DNA2: variants seen among roughly 807,000 people sequenced by gnomAD.
DNA2 encodes the protein DNA replication helicase/nuclease 2.
DNA2 carries 101 observed loss-of-function variants against 119.1 expected under a neutral mutation model. The ratio of observed to expected loss-of-function variants is 0.85; its 90% CI spans 0.72 to 1.00. The LOEUF is 1.00. Among genes scored for constraint, DNA2 ranks in the 50% least tolerant of loss-of-function variants. The pLI, the probability that DNA2 is intolerant of heterozygous loss-of-function variation, is 0.00. For synonymous variants in DNA2, 366 were observed against 424.4 expected (o/e 0.86, Z 1.69); for missense variants, 1,121 against 1,255.5 (o/e 0.89, Z 1.62).
At chr10:68,441,944 T>G (rs2051974450) in intron 9 of DNA2, among the ~76,000 whole-genome samples, 1 of 152,166 alleles carries the variant, frequency 6.6e-6, no homozygotes, top group Middle Eastern at 3.2e-3. Flanking sequence ...TTTTTTTTTT[T>G]TGAGTCAAGG....
Position 68,469,971 on chromosome 10 carries a change from T to C in DNA2, c.257+10A>G, listed in dbSNP as rs2052366843. 1 of 1,591,756 alleles carries C rather than the reference T, an allele frequency of 6.3e-7. No homozygotes were observed. Among genetic ancestry groups the C allele is most frequent in the Non-Finnish European group, 8.5e-7 (1 of 1,173,966 alleles). On this transcript the variant is annotated intron_variant, in intron 2 of 20. Transcript: ENST00000358410. ...ATTCAAATCGGTGCTCAAAGTCACA[T>C]AAAAATTACCAGTCATTCCTAAGGA...
chr10:68,414,945 C>A lies in DNA2; in HGVS notation c.*94G>T. ...ACACCTGTGCTTTAAAACATAAATA[C>A]TGCATTAAATTTTGTATGGTGATAG... On this transcript the variant is annotated 3_prime_UTR_variant, in exon 21 of 21. Coordinates refer to ENST00000358410, the MANE Select transcript of DNA2 (RefSeq NM_001080449.3). The A allele has an allele frequency of 1.3e-6, 1 of 758,056 alleles. No homozygotes were observed. The highest frequency in any genetic ancestry group is 2.1e-6 in the Non-Finnish European group (1 of 470,948). 47.0% of individuals were successfully genotyped at this position (758,056 alleles called of 1,614,324 possible).
chr10:68,435,960 A>G (rs1473169642), intron 10 of DNA2, among the ~76,000 whole-genome samples: 1 of 152,244 alleles, frequency 6.6e-6, no homozygotes, highest in Admixed American at 6.5e-5. Context: ...TAAGAATTAG[A>G]TAAGATTATG....
chr10:68,425,696 C>G (rs1043106647), intron 14 of DNA2, among the ~76,000 whole-genome samples: 1 of 151,836 alleles, frequency 6.6e-6, no homozygotes, highest in African/African-American at 2.4e-5. Flanking sequence ...ACACCGCGCC[C>G]GGCCATCTCT....
At position 68,436,923 on chromosome 10, in the gene DNA2, G is replaced by A. The variant is rs1590057870; in HGVS notation, c.1646+88C>T. On this transcript the variant is annotated intron_variant, in intron 10 of 20. Transcript: ENST00000358410. ...AACGCTGTGAATATACTAAAAACCA[G>A]CGAATTGTACATTTTAAATGGATGA... The A allele has an allele frequency of 7.5e-6, 8 of 1,072,062 alleles. No homozygotes were observed. The East Asian group carries it at 1.9e-4, about 26-fold the overall frequency. 66.4% of individuals were successfully genotyped at this position (1,072,062 alleles called of 1,614,324 possible).
At position 68,446,390 on chromosome 10, in the gene DNA2, G is replaced by A; in HGVS notation, c.963C>T (p.Ser321=). The A allele has an allele frequency of 6.3e-7, 1 of 1,590,186 alleles. No homozygotes were observed. The highest frequency in any genetic ancestry group is 1.8e-5 in the Admixed American group (1 of 56,176). Reference sequence around the variant, plus strand: ...CCTCTGGATCAGCTCTTCTCTCTTGGCTTAGTAGAGTGTACAGAACAACCT... The same window carrying A: ...CCTCTGGATCAGCTCTTCTCTCTTGACTTAGTAGAGTGTACAGAACAACCT... ...RSQVVLYTLL[S]QERRADPEAG... The change falls in exon 7 of 21, where the codon AGC becomes AGT. Residue 321 remains serine, a synonymous_variant. Coordinates refer to ENST00000358410, the MANE Select transcript of DNA2 (RefSeq NM_001080449.3).
At chr10:68,455,206 G>A (rs2052167949) in intron 5 of DNA2, among the ~76,000 whole-genome samples, 2 of 151,968 alleles carry the variant, frequency 1.3e-5, no homozygotes, top group African/African-American at 4.8e-5. Flanking sequence ...CCAAAGTGAT[G>A]GGATTACAGG....
intron 5 of DNA2, among the ~76,000 whole-genome samples, chr10:68,452,688 C>T (rs1054074093): frequency 1.3e-5 from 2 of 151,350 alleles, no homozygotes; most frequent in Non-Finnish European, 2.9e-5. Flanking sequence ...CCTCCCGCCT[C>T]AGCCTTTCAA....
In DNA2 at chr10:68,431,921, C is replaced by T. The variant is rs948304605; in HGVS notation, c.1924G>A (p.Asp642Asn). ...GGCATACCCACGATGAGTGTGTAGT[C>T]TTTTGAAAGAAGTACCTTTTTCATC... ...QAMKKVLLSK[D>N]YTLIVGMPGT... is the part of the protein sequence containing the mutation. The change falls in exon 13 of 21, where the codon GAC becomes AAC. Residue 642 changes from aspartate (D) to asparagine (N), a missense_variant. Asp to Asn is a conservative substitution (Grantham distance 23). Transcript: ENST00000358410. 29 of 1,613,706 alleles carry T rather than the reference C, an allele frequency of 1.8e-5. No individual in the cohort carries two copies. Among genetic ancestry groups the T allele is most frequent in the Non-Finnish European group, 2.0e-5 (24 of 1,179,856 alleles).
At chr10:68,466,230 G>A (rs1179683084) in intron 3 of DNA2, among the ~76,000 whole-genome samples, 2 of 152,002 alleles carry the variant, frequency 1.3e-5, no homozygotes, top group Non-Finnish European at 2.9e-5. Flanking sequence ...GTTTCACCAT[G>A]TTGGCCAGGC....
rs1227525026 is a variant in DNA2, at chr10:68,431,903, C to A, written c.1942G>T (p.Gly648Cys). ...LLSKDYTLIV[G>C]MPGTGKTTTI... ...GTTGTTTTTCCTGTCCCAGGCATAC[C>A]CACGATGAGTGTGTAGTCTTTTGAA... Residue 648 changes from glycine to cysteine, a missense_variant, in exon 13 of 21, where the codon GGT becomes TGT. Transcript: ENST00000358410. 2 of 1,613,650 alleles carry A rather than the reference C, an allele frequency of 1.2e-6. No homozygotes were observed. Among genetic ancestry groups the A allele is most frequent in the African/African-American group, 1.3e-5 (1 of 74,888 alleles).
At chr10:68,442,891 C>G (rs765929291) in intron 9 of DNA2, 26 bp downstream of exon 9, 7 of 1,562,732 alleles carry the variant, frequency 4.5e-6, no homozygotes, top group Non-Finnish European at 8.6e-7. Context: ...CTACTGAAAT[C>G]TTACTGTACT....
intron 5 of DNA2, among the ~76,000 whole-genome samples, chr10:68,451,728 C>G (rs1287453182): frequency 6.6e-6 from 1 of 150,768 alleles, no homozygotes; most frequent in Non-Finnish European, 1.5e-5. Context: ...ATGGTCAACC[C>G]CTATTTCTTT....
chr10:68,431,724 C>T (rs765260621), intron 13 of DNA2, 138 bp downstream of exon 13: 1 of 591,916 alleles, frequency 1.7e-6, no homozygotes, highest in African/African-American at 1.9e-5. Context: ...TACTATTTCT[C>T]ATCATTCTAA....
At chr10:68,450,375 G>T in intron 5 of DNA2, 128 bp from the exon 6 acceptor site, 1 of 729,596 alleles carries the variant, frequency 1.4e-6, no homozygotes, top group East Asian at 2.7e-5. Context: ...CTTTACAGCA[G>T]TGATTTTCAA....
intron 17 of DNA2, 21 bp downstream of exon 17, chr10:68,422,204 A>C: frequency 2.0e-6 from 3 of 1,499,160 alleles, no homozygotes; most frequent in African/African-American, 1.5e-5. Flanking sequence ...AGAAAAACTA[A>C]ACAGAAATTT....
At chr10:68,461,034 T>C (rs539480085) in intron 4 of DNA2, among the ~76,000 whole-genome samples, 79 of 151,950 alleles carry the variant, frequency 5.2e-4, no homozygotes, top group Non-Finnish European at 9.7e-4. Context: ...ATTAAAAAAA[T>C]GGAGATATTG....
chr10:68,417,616 G>T (rs1050290657), intron 19 of DNA2, among the ~76,000 whole-genome samples: 7 of 144,746 alleles, frequency 4.8e-5, no homozygotes, highest in Non-Finnish European at 1.0e-4. Flanking sequence ...TTGTGCCATT[G>T]CACTCCAGTC....
At position 68,419,206 on chromosome 10, in the gene DNA2, C is replaced by T. The variant is rs2133356311; in HGVS notation, c.2795G>A (p.Cys932Tyr). Residue 932 changes from cysteine to tyrosine, a missense_variant, in exon 19 of 21, where the codon TGC becomes TAC. Coordinates refer to ENST00000358410, the MANE Select transcript of DNA2 (RefSeq NM_001080449.3). ...FLTSIFVKAG[C>Y]SPSDIGIIAP... Reference sequence around the variant, plus strand: ...AATAATACCAATATCAGAGGGACTGCATCCAGCCTAAATAGAAAAAGACAC... The same window carrying T: ...AATAATACCAATATCAGAGGGACTGTATCCAGCCTAAATAGAAAAAGACAC... 1 of 1,570,706 alleles carries T rather than the reference C, an allele frequency of 6.4e-7. No individual in the cohort carries two copies. Among genetic ancestry groups the T allele is most frequent in the South Asian group, 1.2e-5 (1 of 83,844 alleles).
Sources: allele counts gnomAD v4.1 joint callset (sites outside exome capture counted in the v4.1 genomes callset), GRCh38; gene constraint gnomAD v4.1.1; transcripts MANE v1.5; gene names NCBI Gene and HGNC (gene_info 2026-07-23, HGNC 2026-07-21).